SYNE2: variants seen among roughly 807,000 people sequenced by gnomAD.
SYNE2 encodes the protein spectrin repeat containing nuclear envelope protein 2, also known as nesprin-2.
Under a neutral mutation model 856.3 loss-of-function variants are expected in SYNE2, and 431 were observed. That is an observed-to-expected ratio of 0.50 (90% CI 0.47 to 0.55). The LOEUF (loss-of-function observed/expected upper bound fraction) is 0.55. Ranked by LOEUF, SYNE2 falls within the 20% of genes least tolerant of loss-of-function variation. The probability of loss-of-function intolerance (pLI) is 0.00; values close to 1 mark genes in which losing one functional copy is unlikely to be tolerated. For synonymous variants in SYNE2, 2,923 were observed against 2,872.3 expected (o/e 1.02, Z -0.56); for missense variants, 8,129 against 8,023.2 (o/e 1.01, Z -0.50).
chr14:63,929,750 G>T (rs972794028), intron 2 of SYNE2, among the ~76,000 whole-genome samples: 1 of 147,660 alleles, frequency 6.8e-6, no homozygotes, highest in Non-Finnish European at 1.5e-5. Flanking sequence ...TGGCCTGGGC[G>T]ACAAGAGTGA....
chr14:63,877,676 G>A, intron 1 of SYNE2, among the ~76,000 whole-genome samples: 1 of 152,208 alleles, frequency 6.6e-6, no homozygotes, highest in Non-Finnish European at 1.5e-5. Flanking sequence ...AGTGGAGCTT[G>A]ATATTTAACA....
At position 64,087,589 on chromosome 14, in the gene SYNE2, A is replaced by T. The variant is rs1220002882; in HGVS notation, c.11485-82A>T. 3 of 1,463,354 alleles carry T rather than the reference A, an allele frequency of 2.1e-6. No homozygotes were observed. The African/African-American group carries it at 4.2e-5, about 20-fold the overall frequency. The allele number at this position is 1,463,354 out of a possible 1,614,324, so 90.6% of individuals were successfully genotyped here. A position where few individuals can be genotyped will look rare whatever the true frequency, so the allele number is the denominator to read the frequency against. On this transcript the variant is annotated intron_variant, in intron 57 of 115. Coordinates refer to ENST00000555002, the MANE Select transcript of SYNE2 (RefSeq NM_182914.3). Reference sequence around the variant, plus strand: ...GTTTAAAATGTTGAGATAACTTTCAATTTTCTCTGATTTAAATATTAATCA... The same window carrying T: ...GTTTAAAATGTTGAGATAACTTTCATTTTTCTCTGATTTAAATATTAATCA...
In SYNE2 at chr14:64,003,164, T is replaced by C. The variant is rs748414819; in HGVS notation, c.4231T>C (p.Ser1411Pro). Residue 1411 changes from serine (S) to proline (P), a missense_variant, in exon 30 of 116, where the codon TCT becomes CCT. Physicochemically the swap from Ser to Pro is moderately conservative, Grantham distance 74. This residue lies in a region of SYNE2 where 2,422 missense variants were observed against 2,357.4 expected (regional missense o/e 1.03). Transcript: ENST00000555002. The stretch of plus-strand genomic sequence containing the variant: ...GCTTGATGCTTTTTCAATAAAGTTA[T>C]CTGAGACACATGGCTATGGGGTACA... ...NLLDAFSIKL[S>P]ETHGYGVQEE... 2.8e-5 allele frequency: 45 copies of C among 1,614,212 alleles called. 1 individual carries two copies. In the Middle Eastern group the frequency reaches 4.9e-4, roughly 18 times the overall value.
intron 99 of SYNE2, among the ~76,000 whole-genome samples, chr14:64,198,057 ATTTTG>A (rs1379194872): frequency 6.6e-6 from 1 of 152,224 alleles, no homozygotes; most frequent in Admixed American, 6.5e-5. Flanking sequence ...GTACCTAAAA[ATTTTG>A]TTTTTCTGAT....
At chr14:63,806,758 G>A (rs756677785) in intron 1 of SYNE2, among the ~76,000 whole-genome samples, 9 of 151,378 alleles carry the variant, frequency 5.9e-5, no homozygotes, top group Admixed American at 2.6e-4. Context: ...TTTGTTTTTC[G>A]TAGGGTAAAT....
At chr14:64,038,888 G>GGGAGAA in intron 45 of SYNE2, among the ~76,000 whole-genome samples, 1 of 143,924 alleles carries the variant, frequency 6.9e-6, no homozygotes, top group East Asian at 2.1e-4. Flanking sequence ...GAGAGGGAGA[G>GGGAGAA]CACTGTCTCC....
At chr14:63,929,452 G>A (rs1329398078) in intron 2 of SYNE2, among the ~76,000 whole-genome samples, 1 of 152,094 alleles carries the variant, frequency 6.6e-6, no homozygotes, top group African/African-American at 2.4e-5. Context: ...TTGGATGGAG[G>A]GTATTTTGGA....
intron 32 of SYNE2, among the ~76,000 whole-genome samples, chr14:64,014,970 T>C (rs35199320): frequency 0.062 from 4,341 of 69,762 alleles, 148 homozygotes; most frequent in African/African-American, 0.098. Flanking sequence ...TATATATATA[T>C]ATATACACAC....
At chr14:64,074,226 G>A (rs893062071) in intron 53 of SYNE2, 90 bp downstream of exon 53, 12 of 1,355,404 alleles carry the variant, frequency 8.9e-6, no homozygotes, top group Non-Finnish European at 1.3e-5. Context: ...TCAGTGGCTG[G>A]GTTTGGGGGA....
intron 96 of SYNE2, among the ~76,000 whole-genome samples, chr14:64,179,023 C>T (rs939684424): frequency 5.3e-5 from 8 of 152,080 alleles, no homozygotes; most frequent in Non-Finnish European, 1.2e-4. Context: ...GATACAGTGA[C>T]TCATGAATGC....
chr14:64,161,740 CAAA>C (rs903391848), intron 87 of SYNE2, among the ~76,000 whole-genome samples: 5 of 56,294 alleles, frequency 8.9e-5, no homozygotes, highest in African/African-American at 1.7e-4. Context: ...CCTGTCTCTA[CAAA>C]AAAAAAAAAA....
intron 1 of SYNE2, among the ~76,000 whole-genome samples, chr14:63,868,750 G>A (rs927741140): frequency 6.6e-5 from 10 of 152,140 alleles, no homozygotes; most frequent in Non-Finnish European, 1.5e-4. Context: ...ATGTGTGTGT[G>A]CTGGGGTTTT....
intron 1 of SYNE2, among the ~76,000 whole-genome samples, chr14:63,762,790 T>A (rs1030421215): frequency 6.6e-6 from 1 of 151,910 alleles, no homozygotes; most frequent in African/African-American, 2.4e-5. Flanking sequence ...TGGTGAAATG[T>A]CATGATGCCT....
At chr14:63,821,490 A>G (rs1400594373) in intron 1 of SYNE2, among the ~76,000 whole-genome samples, 1 of 152,156 alleles carries the variant, frequency 6.6e-6, no homozygotes, top group East Asian at 1.9e-4. Context: ...ACAGTGGCTC[A>G]TGCCTGTAAT....
Position 63,911,504 on chromosome 14 carries a change from C to CA in SYNE2, c.79+2279dup, listed in dbSNP as rs202047227. Among the ~76,000 whole-genome samples, 27 of 152,306 alleles carry CA rather than the reference C, an allele frequency of 1.8e-4. No homozygotes were observed. The East Asian group carries it at 5.0e-3, about 28-fold the overall frequency. The stretch of plus-strand genomic sequence containing the variant: ...CATACATTATCTCATTTGATCCTCA[C>CA]AACCACATGATGAAGTAGATTTAAA... On this transcript the variant is annotated intron_variant, in intron 2 of 115. Coordinates refer to ENST00000555002, the MANE Select transcript of SYNE2 (RefSeq NM_182914.3).
intron 87 of SYNE2, among the ~76,000 whole-genome samples, chr14:64,161,776 C>T (rs1476568118): frequency 6.6e-6 from 1 of 151,520 alleles, no homozygotes; most frequent in East Asian, 1.9e-4. Flanking sequence ...CTCCCTTCAT[C>T]ACTCCCCTCT....
At chr14:64,110,958 T>C (rs1317470544) in intron 65 of SYNE2, among the ~76,000 whole-genome samples, 2 of 152,134 alleles carry the variant, frequency 1.3e-5, no homozygotes, top group Non-Finnish European at 2.9e-5. Flanking sequence ...TGGATTCTTT[T>C]CAGGTTCAAA....
intron 2 of SYNE2, among the ~76,000 whole-genome samples, chr14:63,933,285 T>G (rs1566836430): frequency 6.6e-6 from 1 of 152,182 alleles, no homozygotes; most frequent in Non-Finnish European, 1.5e-5. Context: ...GGAGGACTCC[T>G]GGAGTCAGCA....
At chr14:63,905,346 A>C (rs2095394844) in intron 1 of SYNE2, among the ~76,000 whole-genome samples, 1 of 152,100 alleles carries the variant, frequency 6.6e-6, no homozygotes, top group African/African-American at 2.4e-5. Flanking sequence ...TTCTGTGAAG[A>C]ATGTTCATAG....
Sources: allele counts gnomAD v4.1 joint callset (sites outside exome capture counted in the v4.1 genomes callset), GRCh38; gene constraint gnomAD v4.1.1; regional missense constraint gnomAD v4.1.1; transcripts MANE v1.5; gene names NCBI Gene and HGNC (gene_info 2026-07-23, HGNC 2026-07-21).